Variants in SUN5 observed in about 807,000 individuals in gnomAD.
The protein encoded by SUN5 is Sad1 and UNC84 domain containing 5, also known as SUN domain-containing protein 5.
Under a neutral mutation model 53.7 loss-of-function variants are expected in SUN5, and 44 were observed. That is an observed-to-expected ratio of 0.82 (90% confidence interval 0.64 to 1.05). The LOEUF (loss-of-function observed/expected upper bound fraction) is 1.05, where lower values mean the gene tolerates loss of function less well. Among genes scored for constraint, SUN5 ranks in the 50% least tolerant of loss-of-function variants. SUN5 has a pLI of 0.00. For missense variants in SUN5, 433 were observed against 483.8 expected (o/e 0.90, Z 0.98); for synonymous variants, 166 against 179.8 (o/e 0.92, Z 0.62).
At chr20:32,986,837 C>T (rs546180266) in intron 10 of SUN5, among the ~76,000 whole-genome samples, 68 of 152,348 alleles carry the variant, frequency 4.5e-4, no homozygotes, top group African/African-American at 1.4e-3. Flanking sequence ...TGTGCACCAC[C>T]CCCCACTCCC....
In SUN5 at chr20:33,002,632, T is replaced by C; in HGVS notation, c.166A>G (p.Asn56Asp). The C allele has an allele frequency of 6.2e-7, 1 of 1,614,228 alleles. No individual in the cohort carries two copies. The highest frequency in any genetic ancestry group is 8.5e-7 in the Non-Finnish European group (1 of 1,180,050). ...TGAGTCAGGCCTAGGGCTTGGTCAT[T>C]GTTGCGGACAGGCAACAGGATGTTG... Reference protein sequence around the residue: ...NDNILLPVRNNDQALGLTQCM... With the variant: ...NDNILLPVRNDDQALGLTQCM... The change falls in exon 3 of 13, where the codon AAT (asparagine) becomes GAT (aspartate). Residue 56 changes from asparagine (N) to aspartate (D), a missense_variant. Asn to Asp is a conservative substitution (Grantham distance 23, BLOSUM62 1). Coordinates refer to ENST00000356173, the MANE Select transcript of SUN5 (RefSeq NM_080675.4).
rs749147888 is a variant in SUN5, at chr20:32,987,690, G to C, written c.699C>G (p.Asn233Lys). The change falls in exon 10 of 13, where the codon AAC becomes AAG. Residue 233 changes from asparagine to lysine, a missense_variant. By Grantham distance (94) the Asn-to-Lys change is moderately conservative (BLOSUM62 0). Transcript: ENST00000356173. ...GGATCACGTCTGGGGGCTGTGCGTAGTTCCACAGCTGGATCCAGTTCCAGT... is the reference window on the plus strand; with the variant it reads ...GGATCACGTCTGGGGGCTGTGCGTACTTCCACAGCTGGATCCAGTTCCAGT... ...HSYWNWIQLW[N>K]YAQPPDVILE... 3 of 1,613,004 alleles carry C rather than the reference G, an allele frequency of 1.9e-6. No homozygotes were observed. The highest frequency in any genetic ancestry group is 3.3e-5 in the Admixed American group (2 of 59,916).
Position 32,985,118 on chromosome 20 carries a change from A to C in SUN5, c.965T>G (p.Ile322Ser). Residue 322 changes from isoleucine to serine, a missense_variant, in exon 12 of 13, where the codon ATC becomes AGC. Coordinates refer to ENST00000356173, the MANE Select transcript of SUN5 (RefSeq NM_080675.4). ...GAFQFQPENIIQMFPLQNQPA... is the reference protein window; with the variant it reads ...GAFQFQPENISQMFPLQNQPA... ...AGGTACCTGGAGTGGGAACATCTGGATGATGTTTTCTGGCTGAAACTGAAA... is the reference window on the plus strand; with the variant it reads ...AGGTACCTGGAGTGGGAACATCTGGCTGATGTTTTCTGGCTGAAACTGAAA... The C allele has an allele frequency of 6.2e-7, 1 of 1,614,018 alleles. No homozygotes were observed. Among genetic ancestry groups the C allele is most frequent in the Non-Finnish European group, 8.5e-7 (1 of 1,179,972 alleles).
chr20:32,999,498 C>T (rs1164248322), intron 5 of SUN5, among the ~76,000 whole-genome samples: 1 of 152,070 alleles, frequency 6.6e-6, no homozygotes, highest in Non-Finnish European at 1.5e-5. Context: ...GAGACTGAGG[C>T]AGAGAATTGC....
At chr20:32,992,519 A>G (rs963165092) in intron 8 of SUN5, among the ~76,000 whole-genome samples, 5 of 152,180 alleles carry the variant, frequency 3.3e-5, no homozygotes, top group Non-Finnish European at 7.3e-5. Context: ...GGAGAGGGTA[A>G]AACAGAAGGG....
At chr20:32,993,313 A>G (rs779322011) in intron 8 of SUN5, among the ~76,000 whole-genome samples, 5 of 152,212 alleles carry the variant, frequency 3.3e-5, no homozygotes, top group Non-Finnish European at 7.3e-5. Context: ...AATTCTGCAG[A>G]GCAGAAAACC....
At chr20:32,999,856 C>G (rs1256757496) in intron 5 of SUN5, 1 of 1,479,260 alleles carries the variant, frequency 6.8e-7, no homozygotes, top group Non-Finnish European at 9.1e-7. Flanking sequence ...ATGTTCATAA[C>G]ACGGTTTGGG....
Position 33,000,265 on chromosome 20 carries a change from G to T in SUN5, c.279-130C>A, listed in dbSNP as rs931502514. The T allele has an allele frequency of 9.0e-6, 10 of 1,116,972 alleles. No homozygotes were observed. In the East Asian group the frequency reaches 1.3e-4, roughly 14 times the overall value. The allele number at this position is 1,116,972 out of a possible 1,614,324, so 69.2% of individuals were successfully genotyped here. The stretch of plus-strand genomic sequence containing the variant: ...ATCCCTTCTTCTCTCCCTGGTAAAC[G>T]TGTCCTTCAGGATTCAGCTCAAATG... On this transcript the variant is annotated intron_variant, in intron 4 of 12. Coordinates refer to ENST00000356173, the MANE Select transcript of SUN5 (RefSeq NM_080675.4).
chr20:32,992,550 G>T (rs62207488), intron 8 of SUN5, among the ~76,000 whole-genome samples: 1 of 151,234 alleles, frequency 6.6e-6, no homozygotes, highest in South Asian at 2.1e-4. Flanking sequence ...ACAGGTGAAG[G>T]TTTCTTAAAT....
At position 32,987,792 on chromosome 20, in the gene SUN5, G is replaced by T; in HGVS notation, c.614-17C>A. On this transcript the variant is annotated splice_polypyrimidine_tract_variant and intron_variant, in intron 9 of 12. Coordinates refer to ENST00000356173, the MANE Select transcript of SUN5 (RefSeq NM_080675.4). ...TGCTGGCCCCTGTATAGGAGAAGGGGGTCTCAGCCAAGCAGCCGGGCTTCT... is the reference window on the plus strand; with the variant it reads ...TGCTGGCCCCTGTATAGGAGAAGGGTGTCTCAGCCAAGCAGCCGGGCTTCT... The T allele has an allele frequency of 6.2e-7, 1 of 1,603,424 alleles. No homozygotes were observed. Among genetic ancestry groups the T allele is most frequent in the Non-Finnish European group, 8.5e-7 (1 of 1,174,032 alleles).
Position 32,996,321 on chromosome 20 carries a change from T to C in SUN5, c.425+3A>G. The C allele has an allele frequency of 6.2e-7, 1 of 1,613,420 alleles. No individual in the cohort carries two copies. Among genetic ancestry groups the C allele is most frequent in the Non-Finnish European group, 8.5e-7 (1 of 1,179,506 alleles). On this transcript the variant is annotated splice_donor_region_variant and intron_variant, in intron 7 of 12. Coordinates refer to ENST00000356173, the MANE Select transcript of SUN5 (RefSeq NM_080675.4). ...ATATGGTTACCCAGAAGATTCCTCT[T>C]ACCTCAAGCTCTGCAGTGGACCATT...
intron 8 of SUN5, among the ~76,000 whole-genome samples, chr20:32,992,352 T>C (rs1464624076): frequency 6.6e-6 from 1 of 152,134 alleles, no homozygotes; most frequent in African/African-American, 2.4e-5. Flanking sequence ...CTCAAAAAGC[T>C]CAGGATTGGT....
intron 8 of SUN5, 98 bp downstream of exon 8, chr20:32,995,521 A>G (rs1425032760): frequency 2.0e-6 from 2 of 1,014,520 alleles, no homozygotes; most frequent in Non-Finnish European, 3.0e-6. Flanking sequence ...CTCCCTCAAA[A>G]TGAGAGATAA....
chr20:33,001,587 CTTT>C (rs61612059), intron 3 of SUN5, among the ~76,000 whole-genome samples: 1 of 136,250 alleles, frequency 7.3e-6, no homozygotes, highest in African/African-American at 3.0e-5. Context: ...TCCTTTCTTT[CTTT>C]TTTCTTCTTT....
At chr20:32,997,561 A>G (rs575813166) in intron 6 of SUN5, 77 bp downstream of exon 6, 1 of 1,525,784 alleles carries the variant, frequency 6.6e-7, no homozygotes, top group South Asian at 1.2e-5. Flanking sequence ...GTGAGAATGA[A>G]TGGAGCTGTG....
chr20:33,002,436 A>G (rs1310883069), intron 3 of SUN5, 151 bp downstream of exon 3: 1 of 714,120 alleles, frequency 1.4e-6, no homozygotes, highest in Non-Finnish European at 2.5e-6. Flanking sequence ...GATACCTCCG[A>G]TGGGTAGAAC....
chr20:32,989,869 C>T (rs1215270447), intron 8 of SUN5, among the ~76,000 whole-genome samples, 171 bp from the exon 9 acceptor site: 1 of 152,106 alleles, frequency 6.6e-6, no homozygotes, highest in Non-Finnish European at 1.5e-5. Flanking sequence ...ACAAAGCCAT[C>T]CTGACCCCAC....
chr20:32,985,318 G>A (rs2146321762), intron 11 of SUN5, 133 bp from the exon 12 acceptor site: 2 of 755,870 alleles, frequency 2.6e-6, no homozygotes, highest in South Asian at 1.7e-5. Context: ...GTTTCACTGT[G>A]GCACAGTGTA....
chr20:32,985,055 G>A (rs1360086130), intron 12 of SUN5, 44 bp downstream of exon 12: 21 of 1,597,824 alleles, frequency 1.3e-5, no homozygotes, highest in Non-Finnish European at 1.8e-5. Context: ...ACTGCACACT[G>A]TGCATTCAGC....
Sources: allele counts gnomAD v4.1 joint callset (sites outside exome capture counted in the v4.1 genomes callset), GRCh38; gene constraint gnomAD v4.1.1; transcripts MANE v1.5; gene names NCBI Gene and HGNC (gene_info 2026-07-23, HGNC 2026-07-21).